CLMN: variants seen among roughly 807,000 people sequenced by gnomAD.
CLMN encodes the protein calmin.
In CLMN, 57 loss-of-function variants were observed where a neutral mutation model predicts 92.7. That is an observed-to-expected ratio of 0.61 (90% CI 0.50 to 0.77). The LOEUF (loss-of-function observed/expected upper bound fraction) is 0.77. Among genes scored for constraint, CLMN ranks in the 30% least tolerant of loss-of-function variants. CLMN has a pLI of 0.00. For synonymous variants in CLMN, 466 were observed against 470.6 expected (o/e 0.99, Z 0.13); for missense variants, 1,158 against 1,237.5 (o/e 0.94, Z 0.96).
chr14:95,245,226 T>A lies in CLMN; in HGVS notation c.83-15093A>T, dbSNP rs868691996. On this transcript the variant is annotated intron_variant, in intron 1 of 12. Transcript: ENST00000298912. ...ATATATATTATATATATATATATAT[T>A]ATATATATATATTATATATATATAT... 5.2e-3 allele frequency among the ~76,000 whole-genome samples: 128 copies of A among 24,816 alleles called. 4 individuals are homozygous for A. The highest frequency in any genetic ancestry group is 9.0e-3 in the African/African-American group (31 of 3,440). 16.3% of individuals were successfully genotyped at this position (24,816 alleles called of 152,430 possible).
chr14:95,244,888 G>A (rs1898401252), intron 1 of CLMN, among the ~76,000 whole-genome samples: 1 of 151,220 alleles, frequency 6.6e-6, no homozygotes, highest in Non-Finnish European at 1.5e-5. Flanking sequence ...GGGGCAACAG[G>A]AATCTCATAA....
At chr14:95,284,236 T>A (rs1271504305) in intron 1 of CLMN, among the ~76,000 whole-genome samples, 1 of 152,162 alleles carries the variant, frequency 6.6e-6, no homozygotes, top group Non-Finnish European at 1.5e-5. Flanking sequence ...TTTGGGAACC[T>A]CCGCCTAGAT....
At chr14:95,208,376 C>T (rs762010948) in intron 8 of CLMN, among the ~76,000 whole-genome samples, 22 of 152,062 alleles carry the variant, frequency 1.4e-4, no homozygotes, top group East Asian at 1.9e-4. Flanking sequence ...GGGAGTTCAA[C>T]GGGGCCAGGA....
chr14:95,227,751 AT>A (rs1411038481), intron 2 of CLMN, among the ~76,000 whole-genome samples: 6 of 152,350 alleles, frequency 3.9e-5, no homozygotes, highest in East Asian at 3.9e-4. Flanking sequence ...GTATGGCCGA[AT>A]AAACAGCACC....
At chr14:95,193,637 A>G (rs2282268) in intron 12 of CLMN, among the ~76,000 whole-genome samples, 22,867 of 152,144 alleles carry the variant, frequency 0.15, 2,334 homozygotes, top group East Asian at 0.47. Flanking sequence ...ACCGGGCCCT[A>G]ACCATCAGTG....
At chr14:95,276,830 AT>A (rs912808296) in intron 1 of CLMN, among the ~76,000 whole-genome samples, 2 of 152,102 alleles carry the variant, frequency 1.3e-5, no homozygotes, top group African/African-American at 2.4e-5. Context: ...TGTCACGCAT[AT>A]TTTTCTCTGG....
chr14:95,209,346 G>A (rs752219215), intron 8 of CLMN, 49 bp downstream of exon 8: 83 of 1,555,998 alleles, frequency 5.3e-5, no homozygotes, highest in Non-Finnish European at 6.4e-5. Flanking sequence ...GATGGCCAGC[G>A]GATGGAAATG....
At chr14:95,293,344 CCCT>C (rs1378209156) in intron 1 of CLMN, among the ~76,000 whole-genome samples, 1 of 107,108 alleles carries the variant, frequency 9.3e-6, no homozygotes, top group Non-Finnish European at 1.9e-5. Flanking sequence ...TTCCCTCCCT[CCCT>C]CCTTCTTTTC....
At chr14:95,266,714 A>C (rs1339676334) in intron 1 of CLMN, among the ~76,000 whole-genome samples, 1 of 152,236 alleles carries the variant, frequency 6.6e-6, no homozygotes, top group Admixed American at 6.5e-5. Flanking sequence ...AAAAATTCAC[A>C]AAAGACCCTG....
chr14:95,203,264 G>A lies in CLMN; in HGVS notation c.2085C>T (p.Val695=), dbSNP rs202056612. 218 of 1,613,920 alleles carry A rather than the reference G, an allele frequency of 1.4e-4. No homozygotes were observed. The highest frequency in any genetic ancestry group is 1.8e-4 in the Non-Finnish European group (211 of 1,180,020). ...ELSSSPPSSC[V]SLETLGSHSE... is the part of the protein sequence containing the mutation. Reference sequence around the variant, plus strand: ...TGTGACTCCCAAGGGTCTCCAAGCTGACACAGCTGCTTGGGGGGCTGGAAG... The same window carrying A: ...TGTGACTCCCAAGGGTCTCCAAGCTAACACAGCTGCTTGGGGGGCTGGAAG... The change falls in exon 9 of 13, where the codon GTC becomes GTT. Residue 695 remains valine, a synonymous_variant. Coordinates refer to ENST00000298912, the MANE Select transcript of CLMN (RefSeq NM_024734.4).
chr14:95,202,704 G>C, intron 9 of CLMN, 134 bp downstream of exon 9: 4 of 990,634 alleles, frequency 4.0e-6, no homozygotes, highest in Non-Finnish European at 5.7e-6. Context: ...GTGCCTCTTT[G>C]AATTTTGCAC....
At chr14:95,291,125 G>A (rs754442849) in intron 1 of CLMN, among the ~76,000 whole-genome samples, 1 of 152,174 alleles carries the variant, frequency 6.6e-6, no homozygotes, top group South Asian at 2.1e-4. Context: ...AAACCACCTT[G>A]GAAAAAGCTT....
intron 1 of CLMN, among the ~76,000 whole-genome samples, chr14:95,252,131 C>A (rs931966982): frequency 6.6e-6 from 1 of 152,148 alleles, no homozygotes; most frequent in African/African-American, 2.4e-5. Flanking sequence ...AAAGGAGCAA[C>A]AGGGGGTGCT....
intron 2 of CLMN, among the ~76,000 whole-genome samples, chr14:95,224,719 T>G (rs1897658707): frequency 6.6e-6 from 1 of 152,206 alleles, no homozygotes; most frequent in Non-Finnish European, 1.5e-5. Flanking sequence ...GTACCCTAGA[T>G]CCACACAGCA....
chr14:95,301,948 G>A (rs150336340), intron 1 of CLMN, among the ~76,000 whole-genome samples: 104 of 152,258 alleles, frequency 6.8e-4, no homozygotes, highest in African/African-American at 2.3e-3. Context: ...CCAACAGACT[G>A]ACTAAGTGAC....
At chr14:95,244,986 TATAC>T (rs1487290098) in intron 1 of CLMN, among the ~76,000 whole-genome samples, 1 of 114,400 alleles carries the variant, frequency 8.7e-6, no homozygotes, top group Non-Finnish European at 1.8e-5. Flanking sequence ...CATATATGTG[TATAC>T]ACACACACAC....
At chr14:95,277,023 G>T (rs116147048) in intron 1 of CLMN, among the ~76,000 whole-genome samples, 4,024 of 152,042 alleles carry the variant, frequency 0.026, 196 homozygotes, top group African/African-American at 0.093. Context: ...GCCATTCAGA[G>T]AAGGGGAACC....
intron 1 of CLMN, among the ~76,000 whole-genome samples, chr14:95,301,885 C>T (rs536995017): frequency 6.6e-6 from 1 of 152,348 alleles, no homozygotes; most frequent in East Asian, 1.9e-4. Flanking sequence ...GTGTACTCTC[C>T]ACAACATGGT....
intron 1 of CLMN, among the ~76,000 whole-genome samples, chr14:95,266,768 A>G (rs1367686514): frequency 2.6e-5 from 4 of 152,230 alleles, no homozygotes; most frequent in African/African-American, 7.2e-5. Context: ...AGTTGGAGGC[A>G]TCACACTATC....
Sources: allele counts gnomAD v4.1 joint callset (sites outside exome capture counted in the v4.1 genomes callset), GRCh38; gene constraint gnomAD v4.1.1; transcripts MANE v1.5; gene names NCBI Gene and HGNC (gene_info 2026-07-23, HGNC 2026-07-21).